PSMA1: variants seen among roughly 807,000 people sequenced by gnomAD.
The protein encoded by PSMA1 is proteasome 20S subunit alpha 1.
Under a neutral mutation model 38.4 loss-of-function variants are expected in PSMA1, and 3 were observed. The ratio of observed to expected loss-of-function variants is 0.08; its 90% confidence interval spans 0.04 to 0.20. The LOEUF is 0.20. Ranked by LOEUF, PSMA1 falls within the 10% of genes least tolerant of loss-of-function variation. The pLI is 1.00. For synonymous variants in PSMA1, 101 were observed against 107.1 expected (o/e 0.94, Z 0.35); for missense variants, 227 against 325.3 (o/e 0.70, Z 2.32).
chr11:14,589,361 A>ATGTGTG (rs1393081532), intron 2 of PSMA1, among the ~76,000 whole-genome samples: 69 of 132,002 alleles, frequency 5.2e-4, no homozygotes, highest in African/African-American at 1.9e-3. Context: ...GTATATATAT[A>ATGTGTG]TATATGTGTG....
intron 2 of PSMA1, among the ~76,000 whole-genome samples, chr11:14,548,618 T>C (rs1372798192): frequency 6.6e-6 from 1 of 152,182 alleles, no homozygotes; most frequent in East Asian, 1.9e-4. Context: ...AGTATGGAAA[T>C]GAGCAAAGGC....
At chr11:14,600,072 G>C (rs1025638680) in intron 2 of PSMA1, among the ~76,000 whole-genome samples, 12 of 152,310 alleles carry the variant, frequency 7.9e-5, no homozygotes, top group African/African-American at 2.9e-4. Context: ...CACCAGCAGA[G>C]GCTGCAGAAC....
At chr11:14,636,755 A>G (rs1853117270) in intron 1 of PSMA1, among the ~76,000 whole-genome samples, 1 of 152,206 alleles carries the variant, frequency 6.6e-6, no homozygotes, top group African/African-American at 2.4e-5. Flanking sequence ...CTAGTCACCT[A>G]GGCTAGACCT....
chr11:14,520,075 C>T, intron 1 of PSMA1: 1 of 658,984 alleles, frequency 1.5e-6, no homozygotes, highest in East Asian at 2.7e-5. Flanking sequence ...GTGTCGGAGG[C>T]TCCCCGGGAA....
chr11:14,522,281 C>G (rs776959813), upstream of PSMA1, among the ~76,000 whole-genome samples: 41 of 151,998 alleles, frequency 2.7e-4, no homozygotes, highest in Non-Finnish European at 5.0e-4. Flanking sequence ...TATTAGTGTG[C>G]AATTCAATTG....
chr11:14,599,566 C>T (rs936551976), intron 2 of PSMA1, among the ~76,000 whole-genome samples: 4 of 152,164 alleles, frequency 2.6e-5, no homozygotes, highest in Non-Finnish European at 4.4e-5. Flanking sequence ...ACGAAGTTCT[C>T]GTACCATGGT....
chr11:14,600,971 TTTTAAAACCAAATATC>T (rs2134193761), intron 2 of PSMA1, among the ~76,000 whole-genome samples: 1 of 152,366 alleles, frequency 6.6e-6, no homozygotes, highest in East Asian at 1.9e-4. Context: ...TATGTGTTTT[TTTTAAAACCAAATATC>T]TTGGAAGCAC....
chr11:14,517,572 CTG>C, intron 4 of PSMA1, 68 bp downstream of exon 4: 1 of 1,243,830 alleles, frequency 8.0e-7, no homozygotes, highest in East Asian at 2.5e-5. Flanking sequence ...AATACCTTAT[CTG>C]GATCTTTTTG....
intron 2 of PSMA1, among the ~76,000 whole-genome samples, chr11:14,586,880 C>A (rs1852352338): frequency 6.6e-6 from 1 of 152,046 alleles, no homozygotes; most frequent in African/African-American, 2.4e-5. Flanking sequence ...CCTGCCTCAG[C>A]CTCCTTAGTA....
intron 2 of PSMA1, among the ~76,000 whole-genome samples, chr11:14,585,706 T>A (rs1002261797): frequency 7.2e-5 from 11 of 152,206 alleles, no homozygotes; most frequent in African/African-American, 2.7e-4. Context: ...CTCCTACTTA[T>A]CCCATTCTCT....
At chr11:14,557,985 G>T (rs1387698888) in intron 2 of PSMA1, among the ~76,000 whole-genome samples, 4 of 152,140 alleles carry the variant, frequency 2.6e-5, no homozygotes, top group African/African-American at 9.7e-5. Flanking sequence ...GTCCCAGTAT[G>T]AGTGAATCTG....
intron 2 of PSMA1, among the ~76,000 whole-genome samples, chr11:14,574,446 A>G (rs1388235507): frequency 6.6e-6 from 1 of 152,224 alleles, no homozygotes; most frequent in Non-Finnish European, 1.5e-5. Context: ...AGGTGCACAT[A>G]GTGCAAGAGT....
chr11:14,546,991 G>C (rs775920083), intron 2 of PSMA1, among the ~76,000 whole-genome samples: 1 of 152,212 alleles, frequency 6.6e-6, no homozygotes, highest in Non-Finnish European at 1.5e-5. Context: ...GTGACTAAGA[G>C]ATGGAATGAA....
chr11:14,601,014 G>C (rs1350006890), intron 2 of PSMA1, among the ~76,000 whole-genome samples: 1 of 152,114 alleles, frequency 6.6e-6, no homozygotes, highest in African/African-American at 2.4e-5. Flanking sequence ...AGAAATTAAA[G>C]TTTAGACAGG....
At chr11:14,640,635 T>G (rs776216048) in intron 1 of PSMA1, among the ~76,000 whole-genome samples, 2 of 151,654 alleles carry the variant, frequency 1.3e-5, no homozygotes, top group Non-Finnish European at 2.9e-5. Flanking sequence ...GGAAGGAACA[T>G]AGGTATTGTT....
At chr11:14,592,217 C>T (rs890420143) in intron 2 of PSMA1, among the ~76,000 whole-genome samples, 3 of 152,070 alleles carry the variant, frequency 2.0e-5, no homozygotes, top group African/African-American at 4.8e-5. Context: ...CGCGAGGGTC[C>T]GCGGCTTCAT....
At chr11:14,581,834 C>T (rs1460173140) in intron 2 of PSMA1, among the ~76,000 whole-genome samples, 5 of 152,152 alleles carry the variant, frequency 3.3e-5, no homozygotes, top group African/African-American at 7.2e-5. Context: ...GAATTTTATT[C>T]GCAGGCAGTT....
intron 1 of PSMA1, among the ~76,000 whole-genome samples, chr11:14,624,364 G>T (rs1852885835): frequency 6.6e-6 from 1 of 152,146 alleles, no homozygotes; most frequent in Non-Finnish European, 1.5e-5. Flanking sequence ...TAGATGACAT[G>T]GGGATCTGAG....
At chr11:14,605,175 A>G (rs909696600) in intron 2 of PSMA1, among the ~76,000 whole-genome samples, 2 of 152,208 alleles carry the variant, frequency 1.3e-5, no homozygotes, top group African/African-American at 4.8e-5. Flanking sequence ...TCAACAGTGT[A>G]TAAGTGCTCC....
Sources: allele counts gnomAD v4.1 joint callset (sites outside exome capture counted in the v4.1 genomes callset), GRCh38; gene constraint gnomAD v4.1.1; transcripts MANE v1.5; gene names NCBI Gene and HGNC (gene_info 2026-07-23, HGNC 2026-07-21).